VPS13D: variants seen among roughly 807,000 people sequenced by gnomAD.
The protein encoded by VPS13D is intermembrane lipid transfer protein VPS13D.
In VPS13D, 187 loss-of-function variants were observed where a neutral mutation model predicts 461.9. That is an observed-to-expected ratio of 0.40 (90% CI 0.36 to 0.46). The LOEUF is 0.46. Ranked by LOEUF, VPS13D falls within the 20% of genes least tolerant of loss-of-function variation. The pLI, the probability that VPS13D is intolerant of heterozygous loss-of-function variation, is 0.60. For synonymous variants in VPS13D, 1,951 were observed against 1,986.3 expected (o/e 0.98, Z 0.47); for missense variants, 4,711 against 5,364.9 (o/e 0.88, Z 3.81).
Position 12,262,062 on chromosome 1 carries a change from A to G in VPS13D, c.1576A>G (p.Met526Val). 6.2e-7 allele frequency: 1 copy of G among 1,611,536 alleles called. No homozygotes were observed. Among genetic ancestry groups the G allele is most frequent in the Non-Finnish European group, 8.5e-7 (1 of 1,178,022 alleles). ...TCCTCAAATGAATGAAAGTGCTTTCATGCAGCTCGAGTTTTCAGGTACACT... is the reference window on the plus strand; with the variant it reads ...TCCTCAAATGAATGAAAGTGCTTTCGTGCAGCTCGAGTTTTCAGGTACACT... ...GTPQMNESAF[M>V]QLEFSDVKLL... The change falls in exon 13 of 70, where the codon ATG (methionine) becomes GTG (valine). Residue 526 changes from methionine (M) to valine (V), a missense_variant. Met to Val is a conservative substitution (Grantham distance 21, BLOSUM62 1). This residue lies in a region of VPS13D where 4,411 missense variants were observed against 4,937.8 expected (regional missense o/e 0.89). Transcript: ENST00000620676.
chr1:12,503,556 A>G lies in VPS13D; in HGVS notation c.12795-3297A>G, dbSNP rs142340084. ...CTATTTTTTAAATAGAATCAATTAT[A>G]GTATCTACAGCAACCTAAAATGTGT... On this transcript the variant is annotated intron_variant, in intron 68 of 69. Transcript: ENST00000620676. 9.2e-3 allele frequency among the ~76,000 whole-genome samples: 1,395 copies of G among 152,338 alleles called. 13 individuals are homozygous for G. The highest frequency in any genetic ancestry group is 0.031 in the Middle Eastern group (9 of 294).
At chr1:12,378,309 G>A (rs147640508) in intron 55 of VPS13D, 119 bp from the exon 56 acceptor site, 11 of 889,012 alleles carry the variant, frequency 1.2e-5, no homozygotes, top group African/African-American at 6.9e-5. Flanking sequence ...TGTGGAAAAC[G>A]TCTAAATAAA....
chr1:12,380,820 C>G (rs1644263207), intron 57 of VPS13D, among the ~76,000 whole-genome samples: 1 of 152,194 alleles, frequency 6.6e-6, no homozygotes, highest in South Asian at 2.1e-4. Context: ...TTTTCTTTAT[C>G]TCTATCGCCC....
intron 26 of VPS13D, among the ~76,000 whole-genome samples, chr1:12,307,129 A>G (rs974784499): frequency 1.6e-4 from 24 of 152,222 alleles, no homozygotes; most frequent in African/African-American, 5.8e-4. Flanking sequence ...GTGCCCACGT[A>G]ATGCCAGGTG....
intron 65 of VPS13D, among the ~76,000 whole-genome samples, chr1:12,433,951 T>TGA: frequency 7.6e-6 from 1 of 132,144 alleles, no homozygotes. Context: ...AGAGAGAGAG[T>TGA]GTGTGTGTGT....
rs1033516997 is a variant in VPS13D, at chr1:12,299,761, C to T, written c.6216+377C>T. Among the ~76,000 whole-genome samples, 3 of 152,092 alleles carry T rather than the reference C, an allele frequency of 2.0e-5. No homozygotes were observed. The highest frequency in any genetic ancestry group is 2.1e-4 in the South Asian group (1 of 4,834). On this transcript the variant is annotated intron_variant, in intron 25 of 69. Transcript: ENST00000620676. The surrounding 1 kb of genome is among the most constrained non-coding windows in gnomAD (Gnocchi z 4.2). The stretch of plus-strand genomic sequence containing the variant: ...CTTTCTTTATATAAAAGCATTCCTT[C>T]TATAATATAAACGTTTTAGACTCTG...
At chr1:12,422,033 T>C (rs548777821) in intron 65 of VPS13D, among the ~76,000 whole-genome samples, 1 of 152,328 alleles carries the variant, frequency 6.6e-6, no homozygotes, top group South Asian at 2.1e-4. Context: ...TTCACCATGT[T>C]GGCCAGGCTG....
intron 24 of VPS13D, among the ~76,000 whole-genome samples, chr1:12,295,352 T>C (rs147134353): frequency 0.02 from 3,052 of 152,302 alleles, 130 homozygotes; most frequent in Admixed American, 0.11. Context: ...TTGGTAGATA[T>C]TGATTTGGTA....
chr1:12,403,096 T>C (rs906407334), intron 62 of VPS13D, among the ~76,000 whole-genome samples: 5 of 152,238 alleles, frequency 3.3e-5, no homozygotes, highest in African/African-American at 9.6e-5. Context: ...TAAATGTGTT[T>C]GATAAGTAGG....
At position 12,394,470 on chromosome 1, in the gene VPS13D, A is replaced by G. The variant is rs576820831; in HGVS notation, c.11635-5711A>G. Among the ~76,000 whole-genome samples, 179 of 152,304 alleles carry G rather than the reference A, an allele frequency of 1.2e-3. 1 individual carries two copies. Among genetic ancestry groups the G allele is most frequent in the African/African-American group, 4.1e-3 (172 of 41,558 alleles). On this transcript the variant is annotated intron_variant, in intron 60 of 69. Transcript: ENST00000620676. Reference sequence around the variant, plus strand: ...GACGATTGAGTGCTGCCACTTGGCAACCTGCCACCTCGGGATCCAGTTATC... The same window carrying G: ...GACGATTGAGTGCTGCCACTTGGCAGCCTGCCACCTCGGGATCCAGTTATC...
At chr1:12,347,924 C>T (rs979550998) in intron 44 of VPS13D, among the ~76,000 whole-genome samples, 5 of 152,138 alleles carry the variant, frequency 3.3e-5, no homozygotes, top group Non-Finnish European at 7.3e-5. Flanking sequence ...GGAAAAATAA[C>T]GTAATGGCGG....
chr1:12,364,220 T>A (rs2101618068), intron 52 of VPS13D, among the ~76,000 whole-genome samples: 1 of 152,238 alleles, frequency 6.6e-6, no homozygotes, highest in African/African-American at 2.4e-5. Context: ...TAACTCCTCA[T>A]TCCCATTCCC....
At chr1:12,338,482 A>AT (rs1254459761) in intron 40 of VPS13D, among the ~76,000 whole-genome samples, 177 bp downstream of exon 40, 1 of 152,112 alleles carries the variant, frequency 6.6e-6, no homozygotes, top group Non-Finnish European at 1.5e-5. Context: ...TTATCAGCTG[A>AT]TTCTTATATT....
intron 65 of VPS13D, among the ~76,000 whole-genome samples, chr1:12,419,932 A>G (rs540698351): frequency 6.6e-6 from 1 of 152,314 alleles, no homozygotes; most frequent in Non-Finnish European, 1.5e-5. Flanking sequence ...GCAAAACTGT[A>G]CAGCATGTTA....
chr1:12,333,762 C>G (rs1020681892), intron 38 of VPS13D, among the ~76,000 whole-genome samples: 3 of 152,136 alleles, frequency 2.0e-5, no homozygotes, highest in African/African-American at 7.2e-5. Flanking sequence ...AATAAGTTGC[C>G]TTTGTTGTTT....
At chr1:12,346,799 ACCTT>A (rs1467539796) in intron 44 of VPS13D, 147 bp downstream of exon 44, 1 of 789,804 alleles carries the variant, frequency 1.3e-6, no homozygotes, top group African/African-American at 1.8e-5. Context: ...ATTAATGATT[ACCTT>A]CCTTTTCCAA....
chr1:12,367,899 A>C (rs1274023924), intron 52 of VPS13D, among the ~76,000 whole-genome samples: 1 of 151,798 alleles, frequency 6.6e-6, no homozygotes, highest in African/African-American at 2.4e-5. Context: ...GAGCCACCAC[A>C]CCCGGCTGCA....
intron 67 of VPS13D, among the ~76,000 whole-genome samples, chr1:12,479,216 A>G (rs1184114761): frequency 6.6e-6 from 1 of 152,260 alleles, no homozygotes; most frequent in Non-Finnish European, 1.5e-5. Flanking sequence ...GCATAAGTAT[A>G]GTCAGAAAGA....
At chr1:12,267,049 G>T (rs941602838) in intron 14 of VPS13D, 38 bp downstream of exon 14, 1 of 1,483,720 alleles carries the variant, frequency 6.7e-7, no homozygotes, top group Non-Finnish European at 9.0e-7. Context: ...TATCTAAGGT[G>T]TTGGTAAATT....
Sources: gnomAD v4.1 joint callset for allele counts (sites outside exome capture counted in the v4.1 genomes callset) on GRCh38, gnomAD v4.1.1 for gene constraint, gnomAD v4.1.1 regional missense constraint, Gnocchi (gnomAD v3.1) non-coding constraint, MANE v1.5 for transcripts, NCBI Gene and HGNC (gene_info 2026-07-23, HGNC 2026-07-21) for gene names.